Variants in SLC30A4 observed in about 807,000 individuals in gnomAD.
SLC30A4 encodes the protein solute carrier family 30 member 4.
A neutral mutation model predicts 41.7 loss-of-function variants in SLC30A4; 20 were observed. The observed-to-expected ratio is 0.48, with a 90% confidence interval of 0.34 to 0.70. The LOEUF (loss-of-function observed/expected upper bound fraction) is 0.70, where lower values mean the gene tolerates loss of function less well. Ranked by LOEUF, SLC30A4 falls within the 30% of genes least tolerant of loss-of-function variation. The pLI, the probability that SLC30A4 is intolerant of heterozygous loss-of-function variation, is 0.01. For synonymous variants in SLC30A4, 181 were observed against 195.9 expected, an observed-to-expected ratio of 0.92 and a Z score of 0.64; for missense variants, 441 against 529.3, an observed-to-expected ratio of 0.83 and a Z score of 1.64.
At chr15:45,516,576 A>G (rs1393912581) in intron 2 of SLC30A4, among the ~76,000 whole-genome samples, 1 of 151,884 alleles carries the variant, frequency 6.6e-6, no homozygotes, top group African/African-American at 2.4e-5. Flanking sequence ...AAATCTCTTT[A>G]TTGTATAAGA....
intron 2 of SLC30A4, among the ~76,000 whole-genome samples, chr15:45,517,197 CT>C (rs1892506293): frequency 1.3e-5 from 2 of 151,696 alleles, no homozygotes; most frequent in Non-Finnish European, 2.9e-5. Flanking sequence ...TGCCTGACTT[CT>C]AAAGTTGGAG....
At chr15:45,502,667 C>A (rs1033697964) in intron 3 of SLC30A4, 1 of 152,438 alleles carries the variant, frequency 6.6e-6, no homozygotes, top group Non-Finnish European at 1.5e-5. Flanking sequence ...GAGGTATGAG[C>A]CACAGTGCCT....
At chr15:45,496,836 TATAAATAAATAA>T (rs77966458) in intron 3 of SLC30A4, among the ~76,000 whole-genome samples, 111 of 137,104 alleles carry the variant, frequency 8.1e-4, no homozygotes, top group Non-Finnish European at 1.0e-3. Flanking sequence ...TCTCTGAAAA[TATAAATAAATAA>T]ATAAATAAAT....
intron 3 of SLC30A4, among the ~76,000 whole-genome samples, chr15:45,504,760 A>G (rs907188990): frequency 1.3e-5 from 2 of 152,214 alleles, no homozygotes; most frequent in African/African-American, 4.8e-5. Context: ...AGGCACTACT[A>G]TTAGTTTCCT....
chr15:45,492,997 C>T (rs1321182634), intron 3 of SLC30A4, among the ~76,000 whole-genome samples: 3 of 152,184 alleles, frequency 2.0e-5, no homozygotes, highest in Admixed American at 6.5e-5. Context: ...TAAGGCCAGA[C>T]GCGGTGGCTT....
chr15:45,507,515 T>C (rs1892187479), intron 3 of SLC30A4, among the ~76,000 whole-genome samples: 1 of 139,114 alleles, frequency 7.2e-6, no homozygotes, highest in African/African-American at 3.1e-5. Context: ...TTTTTTTTTG[T>C]CTCACTCTGT....
intron 5 of SLC30A4, among the ~76,000 whole-genome samples, chr15:45,488,506 G>A (rs1279159147): frequency 6.6e-6 from 1 of 152,126 alleles, no homozygotes; most frequent in Non-Finnish European, 1.5e-5. Context: ...CTGGGAGGCG[G>A]AGGCTGCAGT....
intron 3 of SLC30A4, among the ~76,000 whole-genome samples, chr15:45,499,174 C>T (rs539599074): frequency 1.0e-4 from 15 of 150,588 alleles, no homozygotes; most frequent in Non-Finnish European, 1.6e-4. Flanking sequence ...TGAGTTCAAG[C>T]GATTCTCCTG....
intron 2 of SLC30A4, among the ~76,000 whole-genome samples, chr15:45,513,395 T>TTC (rs2140853718): frequency 6.6e-6 from 1 of 151,166 alleles, no homozygotes; most frequent in South Asian, 2.1e-4. Flanking sequence ...TTTTTTTTTT[T>TTC]CAGGAGATGA....
intron 3 of SLC30A4, among the ~76,000 whole-genome samples, chr15:45,499,305 C>A (rs1226649800): frequency 6.6e-6 from 1 of 152,068 alleles, no homozygotes; most frequent in Non-Finnish European, 1.5e-5. Context: ...ATCTCCTGAC[C>A]TCGTGATCTG....
At chr15:45,485,911 G>T (rs1891694331) in intron 7 of SLC30A4, among the ~76,000 whole-genome samples, 1 of 151,480 alleles carries the variant, frequency 6.6e-6, no homozygotes, top group Non-Finnish European at 1.5e-5. Flanking sequence ...TAGAGATGGG[G>T]TTTCATCATG....
At chr15:45,491,189 T>C (rs1030333419) in intron 3 of SLC30A4, among the ~76,000 whole-genome samples, 1 of 152,086 alleles carries the variant, frequency 6.6e-6, no homozygotes, top group South Asian at 2.1e-4. Context: ...ACCTGGCTAA[T>C]CATTTTTCTT....
rs898549335 is a variant in SLC30A4, at chr15:45,484,761, T to C, written c.*402A>G. On this transcript the variant is annotated 3_prime_UTR_variant, in exon 8 of 8. Coordinates refer to ENST00000261867, the MANE Select transcript of SLC30A4 (RefSeq NM_013309.6). ...AGCTGGGTGTCGAGATTATTATACA[T>C]AATAAAAAAAATTCAGTTTTCCAGC... 1 of 156,658 alleles carries C rather than the reference T, an allele frequency of 6.4e-6. No homozygotes were observed. The highest frequency in any genetic ancestry group is 1.4e-5 in the Non-Finnish European group (1 of 71,162). The allele number at this position is 156,658 out of a possible 1,614,324, so 9.7% of individuals were successfully genotyped here.
intron 3 of SLC30A4, among the ~76,000 whole-genome samples, chr15:45,507,143 A>T (rs1892174257): frequency 6.6e-6 from 1 of 151,988 alleles, no homozygotes. Context: ...AACATGGTGA[A>T]ATCCCGTCTC....
rs538229043 is a variant in SLC30A4 at position 45,518,193 on chromosome 15, T to C, written c.391+3771A>G. ...TCTTGGAAAACTCCCTCACTCTGTTTGGGTAACTCCTACTATTCTTTTTTT... is the reference window on the plus strand; with the variant it reads ...TCTTGGAAAACTCCCTCACTCTGTTCGGGTAACTCCTACTATTCTTTTTTT... On this transcript the variant is annotated intron_variant, in intron 2 of 7. Transcript: ENST00000261867. Among the ~76,000 whole-genome samples, 28 of 152,322 alleles carry C rather than the reference T, an allele frequency of 1.8e-4. No individual in the cohort carries two copies. The East Asian group carries it at 5.0e-3, about 27-fold the overall frequency.
intron 3 of SLC30A4, chr15:45,503,104 T>C (rs907141654): frequency 6.6e-6 from 1 of 152,092 alleles, no homozygotes; most frequent in African/African-American, 2.4e-5. Context: ...ATGTGTAATA[T>C]ACTTTTATTG....
intron 2 of SLC30A4, among the ~76,000 whole-genome samples, chr15:45,517,640 C>T (rs1331586469): frequency 6.6e-6 from 1 of 152,008 alleles, no homozygotes; most frequent in Non-Finnish European, 1.5e-5. Flanking sequence ...CATCTTGTTA[C>T]TCTCCTGCTT....
chr15:45,495,092 A>G (rs7163098), intron 3 of SLC30A4, among the ~76,000 whole-genome samples: 13,293 of 151,622 alleles, frequency 0.088, 1,917 homozygotes, highest in African/African-American at 0.3. Flanking sequence ...GCTGCAGTGA[A>G]CTGCAACAGT....
chr15:45,518,306 C>G (rs1032304867), intron 2 of SLC30A4, among the ~76,000 whole-genome samples: 2 of 152,016 alleles, frequency 1.3e-5, no homozygotes, highest in African/African-American at 4.8e-5. Flanking sequence ...CTTCCTAGTA[C>G]TTAGGACCAT....
Sources: allele counts gnomAD v4.1 joint callset (sites outside exome capture counted in the v4.1 genomes callset), GRCh38; gene constraint gnomAD v4.1.1; transcripts MANE v1.5; gene names NCBI Gene and HGNC (gene_info 2026-07-23, HGNC 2026-07-21).